Variants in GTF3C2 observed in about 807,000 individuals in gnomAD.
GTF3C2 encodes the protein general transcription factor IIIC subunit 2, also known as general transcription factor 3C polypeptide 2.
In GTF3C2, 17 loss-of-function variants were observed where a neutral mutation model predicts 117.4. That is an observed-to-expected ratio of 0.14 (90% CI 0.10 to 0.22). The LOEUF is 0.22. Ranked by LOEUF, GTF3C2 falls within the 10% of genes least tolerant of loss-of-function variation. The pLI is 1.00. For missense variants in GTF3C2, 888 were observed against 1,143.6 expected, an observed-to-expected ratio of 0.78 and a Z score of 3.22; for synonymous variants, 437 against 427.0, an observed-to-expected ratio of 1.02 and a Z score of -0.29.
chr2:27,348,134 G>A (rs955354339), intron 1 of GTF3C2, among the ~76,000 whole-genome samples: 10 of 152,160 alleles, frequency 6.6e-5, no homozygotes, highest in African/African-American at 1.9e-4. Context: ...TGGGTGTGGT[G>A]CCGCGTGCCT....
intron 1 of GTF3C2, among the ~76,000 whole-genome samples, chr2:27,344,540 G>T (rs6743819): frequency 0.46 from 69,371 of 151,920 alleles, 17,017 homozygotes; most frequent in African/African-American, 0.63. Flanking sequence ...AATTTGTCTA[G>T]CATGAATCTA....
chr2:27,336,613 T>C, intron 7 of GTF3C2, 188 bp from the exon 8 acceptor site: 2 of 559,360 alleles, frequency 3.6e-6, no homozygotes, highest in South Asian at 4.6e-5. Flanking sequence ...CCAAAGTCTG[T>C]CTTATATTAT....
chr2:27,332,572 G>A (rs1041245352), intron 12 of GTF3C2, among the ~76,000 whole-genome samples: 29 of 151,120 alleles, frequency 1.9e-4, no homozygotes, highest in African/African-American at 5.8e-4. Context: ...CCGCCACCAC[G>A]CCCGGGGAAT....
chr2:27,336,927 T>C (rs1371963516), intron 7 of GTF3C2, among the ~76,000 whole-genome samples: 1 of 152,176 alleles, frequency 6.6e-6, no homozygotes, highest in African/African-American at 2.4e-5. Context: ...TCTGTCTAAC[T>C]CCAGCTCATC....
At chr2:27,337,698 C>A in intron 5 of GTF3C2, 140 bp from the exon 6 acceptor site, 1 of 731,324 alleles carries the variant, frequency 1.4e-6, no homozygotes, top group Non-Finnish European at 2.4e-6. Flanking sequence ...AGCTACCAAG[C>A]ACCTAAAATG....
At chr2:27,342,217 G>T in exon 4 of GTF3C2, 1 of 1,610,540 alleles carries the variant, frequency 6.2e-7, no homozygotes, top group Non-Finnish European at 8.5e-7. Flanking sequence ...GCCAGTTCCT[G>T]AAGATACAGA....
chr2:27,354,456 A>G (rs1428389634), intron 1 of GTF3C2, among the ~76,000 whole-genome samples: 1 of 152,226 alleles, frequency 6.6e-6, no homozygotes, highest in Non-Finnish European at 1.5e-5. Context: ...GAGAGCTTCT[A>G]TACAAGTCTT....
chr2:27,344,911 G>A (rs918087562), intron 1 of GTF3C2, among the ~76,000 whole-genome samples: 2 of 152,014 alleles, frequency 1.3e-5, no homozygotes, highest in Admixed American at 1.3e-4. Context: ...CTTGAGCCTA[G>A]GAGTTCGAGG....
At chr2:27,331,598 T>C (rs547036399) in intron 12 of GTF3C2, among the ~76,000 whole-genome samples, 8 of 152,168 alleles carry the variant, frequency 5.3e-5, no homozygotes, top group Admixed American at 2.6e-4. Flanking sequence ...GTGCTGGGAT[T>C]ACCGACATGA....
intron 12 of GTF3C2, among the ~76,000 whole-genome samples, chr2:27,332,809 A>G (rs896975136): frequency 6.6e-6 from 1 of 151,158 alleles, no homozygotes; most frequent in African/African-American, 2.4e-5. Context: ...TCCGTCTCCC[A>G]GCTTCAAGCG....
chr2:27,328,813 A>G, intron 15 of GTF3C2, 31 bp downstream of exon 15: 1 of 1,516,896 alleles, frequency 6.6e-7, no homozygotes, highest in Non-Finnish European at 9.2e-7. Flanking sequence ...TTTCCTTTGT[A>G]ATGAAGACTG....
intron 12 of GTF3C2, among the ~76,000 whole-genome samples, chr2:27,331,287 CT>C (rs1475113661): frequency 6.6e-6 from 1 of 152,168 alleles, no homozygotes; most frequent in African/African-American, 2.4e-5. Flanking sequence ...TGCTAATTTC[CT>C]TATCTTCCTA....
chr2:27,337,184 T>A (rs1334715954), intron 7 of GTF3C2, 60 bp downstream of exon 7: 2 of 977,138 alleles, frequency 2.0e-6, no homozygotes, highest in Non-Finnish European at 3.2e-6. Flanking sequence ...TCTTTCAACA[T>A]TCATTTTTCT....
At chr2:27,327,752 T>G (rs1680134283) in intron 17 of GTF3C2, among the ~76,000 whole-genome samples, 1 of 151,318 alleles carries the variant, frequency 6.6e-6, no homozygotes, top group Admixed American at 6.6e-5. Flanking sequence ...CTCAGCCTCC[T>G]GAATAGCTGG....
chr2:27,337,929 T>C (rs1418343830), exon 5 of GTF3C2: 2 of 1,575,604 alleles, frequency 1.3e-6, no homozygotes, highest in Admixed American at 1.7e-5. Context: ...GTCTCACAAG[T>C]CCTTGGTGAG....
At chr2:27,327,139 G>C (rs768106441) in intron 18 of GTF3C2, 38 bp downstream of exon 18, 1 of 1,120,002 alleles carries the variant, frequency 8.9e-7, no homozygotes, top group Non-Finnish European at 1.3e-6. Flanking sequence ...AGAACTGGGG[G>C]GAAATGAGAG....
chr2:27,328,969 T>G (rs1300125679), intron 14 of GTF3C2, 38 bp from the exon 15 acceptor site: 1 of 1,499,764 alleles, frequency 6.7e-7, no homozygotes, highest in Non-Finnish European at 9.3e-7. Flanking sequence ...TTCCTTTTCT[T>G]TAGATTCATT....
At position 27,352,916 on chromosome 2, in the gene GTF3C2, CCA is replaced by C. The variant is rs771897544; in HGVS notation, c.-25+3821_-25+3822del. ...AAGCAATTCAACGAGCAGTAAAATT[CCA>C]CAGTTTTACAAAATTCCCTCAATTT... On this transcript the variant is annotated intron_variant, in intron 1 of 18. Coordinates refer to ENST00000264720, the Ensembl canonical transcript of GTF3C2. Among the ~76,000 whole-genome samples, 39 of 152,294 alleles carry C rather than the reference CCA, an allele frequency of 2.6e-4. No individual in the cohort carries two copies. The East Asian group carries it at 4.0e-3, about 16-fold the overall frequency.
At chr2:27,331,235 G>GA (rs1238173301) in intron 12 of GTF3C2, among the ~76,000 whole-genome samples, 3 of 152,122 alleles carry the variant, frequency 2.0e-5, no homozygotes, top group Non-Finnish European at 4.4e-5. Flanking sequence ...ACCACCAAAA[G>GA]AAAAAACATG....
Sources: gnomAD v4.1 joint callset for allele counts (sites outside exome capture counted in the v4.1 genomes callset) on GRCh38, gnomAD v4.1.1 for gene constraint, MANE v1.5 for transcripts, NCBI Gene and HGNC (gene_info 2026-07-23, HGNC 2026-07-21) for gene names.